Variants in PCDHGA4 observed in about 807,000 individuals in gnomAD.
PCDHGA4 encodes protocadherin gamma-A4.
In PCDHGA4, 38 loss-of-function variants were observed where a neutral mutation model predicts 54.6. The ratio of observed to expected loss-of-function variants is 0.70; its 90% CI spans 0.54 to 0.91. PCDHGA4 has a LOEUF of 0.91. Among genes scored for constraint, PCDHGA4 ranks in the 40% least tolerant of loss-of-function variants. The pLI, the probability that PCDHGA4 is intolerant of heterozygous loss-of-function variation, is 0.00. For missense variants in PCDHGA4, 1,298 were observed against 1,220.9 expected (o/e 1.06, Z -0.94); for synonymous variants, 511 against 512.9 (o/e 1.00, Z 0.05).
chr5:141,360,300 G>T, intron 1 of PCDHGA4: 1 of 1,613,978 alleles, frequency 6.2e-7, no homozygotes, highest in South Asian at 1.1e-5. Context: ...AGGATCTGGG[G>T]CTCAGCGTCC....
intron 1 of PCDHGA4, chr5:141,478,814 C>T (rs1271237848): frequency 6.9e-7 from 1 of 1,451,050 alleles, no homozygotes; most frequent in East Asian, 2.5e-5. Context: ...GCTATCACAA[C>T]TAACCAATCT....
In PCDHGA4 at chr5:141,511,106, G is replaced by A. The variant is rs536900646; in HGVS notation, c.2822G>A (p.Arg941Gln). 4.6e-5 allele frequency: 75 copies of A among 1,614,196 alleles called. No individual in the cohort carries two copies. In the East Asian group the frequency reaches 5.8e-4, roughly 12 times the overall value. Reference protein sequence around the residue: ...NATLTNAAGKRDGKAPAGGNG... With the variant: ...NATLTNAAGKQDGKAPAGGNG... ...ACACTGACCAACGCAGCTGGCAAGC[G>A]GGATGGCAAGGCCCCAGCAGGTGGC... The change falls in exon 4 of 4, where the codon CGG (arginine) becomes CAG (glutamine). Residue 941 changes from arginine (R) to glutamine (Q), a missense_variant. Coordinates refer to ENST00000571252, the MANE Select transcript of PCDHGA4 (RefSeq NM_018917.4).
intron 1 of PCDHGA4, among the ~76,000 whole-genome samples, chr5:141,455,749 C>A (rs2098830563): frequency 6.6e-6 from 1 of 152,086 alleles, no homozygotes; most frequent in Non-Finnish European, 1.5e-5. Context: ...AGGTTGCTGG[C>A]CTGGCTCCTA....
Position 141,356,570 on chromosome 5 carries a change from A to T in PCDHGA4, c.1463A>T (p.Tyr488Phe). 6.2e-7 allele frequency: 1 copy of T among 1,613,864 alleles called. No individual in the cohort carries two copies. The highest frequency in any genetic ancestry group is 8.5e-7 in the Non-Finnish European group (1 of 1,179,980). The change falls in exon 1 of 4, where the codon TAC becomes TTC. Residue 488 changes from tyrosine (Y) to phenylalanine (F), a missense_variant. Transcript: ENST00000571252. The stretch of plus-strand genomic sequence containing the variant: ...CCACCCACTTTCCCTCATGCTTCCT[A>T]CTCTGCTTACATTCCTGAAAACAAC... ...DNPPTFPHAS[Y>F]SAYIPENNPR...
intron 1 of PCDHGA4, chr5:141,370,328 G>T: frequency 1.4e-6 from 2 of 1,405,614 alleles, no homozygotes; most frequent in South Asian, 2.9e-5. Flanking sequence ...CCTGCTCGGA[G>T]AACTCTTGGG....
At chr5:141,471,046 C>CTTT (rs1170588345) in intron 1 of PCDHGA4, among the ~76,000 whole-genome samples, 3 of 113,252 alleles carry the variant, frequency 2.6e-5, no homozygotes, top group Non-Finnish European at 5.4e-5. Context: ...CCCAAGCCCT[C>CTTT]TTTTTTTTTT....
rs1476081470 is a variant in PCDHGA4, at chr5:141,432,757, C to G, written c.2515-62050C>G. 2.5e-6 allele frequency: 4 copies of G among 1,614,150 alleles called. No homozygotes were observed. The highest frequency in any genetic ancestry group is 1.3e-5 in the African/African-American group (1 of 75,076). ...TCACGCTCACCGTGGCCGTGGCCGA[C>G]AGCATCCCCCAAGTCCTGGCGGACC... On this transcript the variant is annotated intron_variant, in intron 1 of 3. Coordinates refer to ENST00000571252, the MANE Select transcript of PCDHGA4 (RefSeq NM_018917.4). This position sits in a 1 kb window ranked among gnomAD's most constrained non-coding sequence, Gnocchi z 6.0.
At position 141,432,778 on chromosome 5, in the gene PCDHGA4, G is replaced by T; in HGVS notation, c.2515-62029G>T. The T allele has an allele frequency of 3.7e-6, 6 of 1,614,166 alleles. No individual in the cohort carries two copies. Among genetic ancestry groups the T allele is most frequent in the Non-Finnish European group, 5.1e-6 (6 of 1,180,002 alleles). ...CCGACAGCATCCCCCAAGTCCTGGCGGACCTCGGCAGCCTCGAGTCTCCAG... is the reference window on the plus strand; with the variant it reads ...CCGACAGCATCCCCCAAGTCCTGGCTGACCTCGGCAGCCTCGAGTCTCCAG... On this transcript the variant is annotated intron_variant, in intron 1 of 3. Transcript: ENST00000571252. The surrounding 1 kb of genome is among the most constrained non-coding windows in gnomAD (Gnocchi z 6.0).
chr5:141,374,656 C>G (rs775346091), intron 1 of PCDHGA4: 1 of 1,612,056 alleles, frequency 6.2e-7, no homozygotes, highest in Non-Finnish European at 8.5e-7. Context: ...GGCCCAAGTA[C>G]CCGGAGCTGG....
intron 1 of PCDHGA4, chr5:141,405,358 A>T: frequency 6.2e-7 from 1 of 1,613,900 alleles, no homozygotes; most frequent in East Asian, 2.2e-5. Flanking sequence ...TTCCTATAGA[A>T]GACACCCCTT....
chr5:141,487,304 C>T lies in PCDHGA4; in HGVS notation c.2515-7503C>T. The T allele has an allele frequency of 6.2e-7, 1 of 1,614,190 alleles. No homozygotes were observed. The highest frequency in any genetic ancestry group is 8.5e-7 in the Non-Finnish European group (1 of 1,180,042). On this transcript the variant is annotated intron_variant, in intron 1 of 3. Transcript: ENST00000571252. This position sits in a 1 kb window ranked among gnomAD's most constrained non-coding sequence, Gnocchi z 5.0. ...TGTCTCCTTTGGCTCATTCGTGGCA[C>T]TACTCTCTAAGTGTCTTCGTGGGGC...
chr5:141,430,994 C>T, intron 1 of PCDHGA4: 1 of 1,613,950 alleles, frequency 6.2e-7, no homozygotes, highest in East Asian at 2.2e-5. Context: ...CGCCCTGAAT[C>T]CGCGCAGCGG....
intron 1 of PCDHGA4, among the ~76,000 whole-genome samples, chr5:141,482,104 AAT>A (rs1452930297): frequency 2.7e-5 from 4 of 150,286 alleles, no homozygotes; most frequent in Non-Finnish European, 5.9e-5. Context: ...AAAAAAAAAA[AAT>A]ATCTAGAGAT....
intron 1 of PCDHGA4, chr5:141,360,842 A>G (rs1016848749): frequency 7.4e-6 from 12 of 1,614,028 alleles, no homozygotes; most frequent in Non-Finnish European, 1.0e-5. Flanking sequence ...ACGGATGCCA[A>G]CGATAACCCT....
chr5:141,366,571 G>A (rs1764656817), intron 1 of PCDHGA4: 4 of 1,614,112 alleles, frequency 2.5e-6, no homozygotes, highest in South Asian at 2.2e-5. Flanking sequence ...ATGGGGTTCG[G>A]GCTTTCCTGC....
chr5:141,432,934 G>A lies in PCDHGA4; in HGVS notation c.2515-61873G>A. The stretch of plus-strand genomic sequence containing the variant: ...GGCGCTGGCACAAGTCACGCCTGCT[G>A]CAGGCTTCAGGAGGCGGCTTGACAG... On this transcript the variant is annotated intron_variant, in intron 1 of 3. Transcript: ENST00000571252. This position sits in a 1 kb window ranked among gnomAD's most constrained non-coding sequence, Gnocchi z 6.0. 1.9e-6 allele frequency: 3 copies of A among 1,614,196 alleles called. No individual in the cohort carries two copies. Among genetic ancestry groups the A allele is most frequent in the Non-Finnish European group, 2.5e-6 (3 of 1,180,040 alleles).
chr5:141,361,085 T>A, intron 1 of PCDHGA4: 1 of 1,614,014 alleles, frequency 6.2e-7, no homozygotes, highest in Non-Finnish European at 8.5e-7. Flanking sequence ...AGTTACACTC[T>A]GAGTATCGAA....
chr5:141,379,512 A>C (rs1476847864), intron 1 of PCDHGA4: 1 of 152,258 alleles, frequency 6.6e-6, no homozygotes, highest in African/African-American at 2.4e-5. Context: ...GTTAAACTAC[A>C]TCTTGAGCAT....
intron 3 of PCDHGA4, among the ~76,000 whole-genome samples, chr5:141,508,579 G>A (rs569867127): frequency 6.6e-6 from 1 of 152,234 alleles, no homozygotes; most frequent in East Asian, 1.9e-4. Flanking sequence ...ACCCACTCGG[G>A]GTGCTACTCA....
Sources: gnomAD v4.1 joint callset for allele counts (sites outside exome capture counted in the v4.1 genomes callset) on GRCh38, gnomAD v4.1.1 for gene constraint, Gnocchi (gnomAD v3.1) non-coding constraint, MANE v1.5 for transcripts, NCBI Gene and HGNC (gene_info 2026-07-23, HGNC 2026-07-21) for gene names.